VPS13B: variants seen among roughly 807,000 people sequenced by gnomAD.
VPS13B encodes vacuolar protein sorting 13 homolog B.
VPS13B carries 285 observed loss-of-function variants against 426.4 expected under a neutral mutation model. That is an observed-to-expected ratio of 0.67 (90% CI 0.61 to 0.74). The LOEUF (loss-of-function observed/expected upper bound fraction) is 0.74, where lower values mean the gene tolerates loss of function less well. VPS13B is among the 30% of genes least tolerant of loss of function. VPS13B has a pLI of 0.00. For missense variants in VPS13B, 4,537 were observed against 4,782.6 expected, an observed-to-expected ratio of 0.95 and a Z score of 1.51; for synonymous variants, 1,676 against 1,676.4, an observed-to-expected ratio of 1.00 and a Z score of 0.01.
intron 16 of VPS13B, among the ~76,000 whole-genome samples, chr8:99,189,676 A>G (rs1813443348): frequency 6.6e-6 from 1 of 151,580 alleles, no homozygotes; most frequent in African/African-American, 2.4e-5. Flanking sequence ...TTGTTTTATA[A>G]TTTTTCAAAA....
chr8:99,708,421 T>C (rs948791717), intron 36 of VPS13B, among the ~76,000 whole-genome samples: 11 of 152,192 alleles, frequency 7.2e-5, no homozygotes, highest in African/African-American at 2.7e-4. Context: ...AGGCATTTCT[T>C]CTTTCATGAC....
intron 39 of VPS13B, among the ~76,000 whole-genome samples, chr8:99,751,987 G>T (rs1810419781): frequency 6.6e-6 from 1 of 152,088 alleles, no homozygotes; most frequent in Non-Finnish European, 1.5e-5. Context: ...AAGCCTGCCT[G>T]CCCTTTTCTT....
At chr8:99,164,809 C>T (rs889296625) in intron 15 of VPS13B, among the ~76,000 whole-genome samples, 2 of 151,892 alleles carry the variant, frequency 1.3e-5, no homozygotes, top group South Asian at 2.1e-4. Context: ...TTTCTGACTC[C>T]CTCTTTGATT....
chr8:99,361,960 A>T (rs1812585851), intron 19 of VPS13B, among the ~76,000 whole-genome samples: 1 of 152,088 alleles, frequency 6.6e-6, no homozygotes, highest in African/African-American at 2.4e-5. Context: ...ATCTGCAGTG[A>T]AGTGATTTGG....
intron 4 of VPS13B, among the ~76,000 whole-genome samples, chr8:99,098,820 T>C (rs1846573086): frequency 6.6e-6 from 1 of 152,150 alleles, no homozygotes; most frequent in South Asian, 2.1e-4. Context: ...TACATTTTAT[T>C]GCTAATTGGG....
At chr8:99,515,530 A>G (rs1822020336) in intron 29 of VPS13B, among the ~76,000 whole-genome samples, 1 of 151,910 alleles carries the variant, frequency 6.6e-6, no homozygotes, top group Admixed American at 6.6e-5. Flanking sequence ...TCCTAAGGTC[A>G]CCTTGAATAA....
chr8:99,234,607 C>T (rs957505105), intron 17 of VPS13B: 2 of 393,164 alleles, frequency 5.1e-6, no homozygotes, highest in Admixed American at 3.6e-5. Context: ...GTAGTGCGCT[C>T]GCGCAGTCCC....
At chr8:99,540,154 A>G (rs1823536319) in intron 30 of VPS13B, among the ~76,000 whole-genome samples, 1 of 134,482 alleles carries the variant, frequency 7.4e-6, no homozygotes, top group African/African-American at 2.8e-5. Context: ...ATCTCGACTC[A>G]CTGCAAACTC....
chr8:99,734,156 A>G (rs1833716724), intron 39 of VPS13B, among the ~76,000 whole-genome samples: 1 of 152,122 alleles, frequency 6.6e-6, no homozygotes, highest in African/African-American at 2.4e-5. Flanking sequence ...GTCATTTAGC[A>G]TGTTATTTTC....
chr8:99,726,636 A>C (rs1001154320), intron 39 of VPS13B, among the ~76,000 whole-genome samples: 5 of 152,260 alleles, frequency 3.3e-5, no homozygotes, highest in African/African-American at 4.8e-5. Flanking sequence ...GAAAACAAGA[A>C]GAATACAATG....
intron 15 of VPS13B, among the ~76,000 whole-genome samples, chr8:99,167,085 G>C (rs115439561): frequency 8.3e-4 from 127 of 152,244 alleles, no homozygotes; most frequent in African/African-American, 2.9e-3. Context: ...TAATTTCAAA[G>C]ATGTCCCTAA....
rs2129764870 is a variant in VPS13B, at chr8:99,661,500, G to A, written c.6046+9G>A. On this transcript the variant is annotated intron_variant, in intron 35 of 61. Coordinates refer to ENST00000357162, the MANE Select transcript of VPS13B (RefSeq NM_152564.5). The stretch of plus-strand genomic sequence containing the variant: ...CTTTCTGAATGGACCAGGTAAGAAA[G>A]TCATAAAATTTACATGTGTGTACAT... The A allele has an allele frequency of 6.2e-7, 1 of 1,611,882 alleles. No homozygotes were observed. The highest frequency in any genetic ancestry group is 8.5e-7 in the Non-Finnish European group (1 of 1,179,552).
rs768446900 is a variant in VPS13B at position 99,859,483 on chromosome 8, A to G, written c.11044+3A>G. On this transcript the variant is annotated splice_donor_region_variant and intron_variant, in intron 57 of 61. Coordinates refer to ENST00000357162, the MANE Select transcript of VPS13B (RefSeq NM_152564.5). ...GTTTGTAAAGCACATCTCCAAAGGTAGCGGGTTCCGTTCCTTGTAATAATG... is the reference window on the plus strand; with the variant it reads ...GTTTGTAAAGCACATCTCCAAAGGTGGCGGGTTCCGTTCCTTGTAATAATG... 2.5e-6 allele frequency: 4 copies of G among 1,610,862 alleles called. No individual in the cohort carries two copies. The highest frequency in any genetic ancestry group is 3.4e-6 in the Non-Finnish European group (4 of 1,179,490).
chr8:99,026,678 TTCA>T (rs1262965571), intron 2 of VPS13B, among the ~76,000 whole-genome samples: 2 of 152,182 alleles, frequency 1.3e-5, no homozygotes, highest in African/African-American at 2.4e-5. Context: ...CCAAATTGAC[TTCA>T]TTATTATTAT....
chr8:99,311,506 C>G (rs1343633387), intron 19 of VPS13B, among the ~76,000 whole-genome samples: 2 of 152,172 alleles, frequency 1.3e-5, no homozygotes, highest in Non-Finnish European at 2.9e-5. Flanking sequence ...ATCCCGAGTT[C>G]TAGTTTGATT....
chr8:99,543,796 A>T (rs1163165910), intron 30 of VPS13B, among the ~76,000 whole-genome samples: 9 of 151,748 alleles, frequency 5.9e-5, no homozygotes, highest in East Asian at 5.8e-4. Context: ...TGGCAATCAT[A>T]AAAAAGTCAG....
At chr8:99,644,630 A>G (rs1461169793) in intron 34 of VPS13B, among the ~76,000 whole-genome samples, 4 of 151,844 alleles carry the variant, frequency 2.6e-5, no homozygotes, top group Admixed American at 6.6e-5. Context: ...TTTTCTGCAT[A>G]ATATTCTCAT....
intron 8 of VPS13B, among the ~76,000 whole-genome samples, chr8:99,134,318 A>C (rs956726012): frequency 2.0e-5 from 3 of 152,166 alleles, no homozygotes; most frequent in African/African-American, 7.2e-5. Flanking sequence ...ACTATATGTA[A>C]ATTTTTGGCA....
At chr8:99,364,471 C>T (rs1812733211) in intron 19 of VPS13B, among the ~76,000 whole-genome samples, 1 of 152,032 alleles carries the variant, frequency 6.6e-6, no homozygotes, top group African/African-American at 2.4e-5. Context: ...CTCACTCTGT[C>T]ACCCAGGCTG....
Sources: gnomAD v4.1 joint callset for allele counts (sites outside exome capture counted in the v4.1 genomes callset) on GRCh38, gnomAD v4.1.1 for gene constraint, MANE v1.5 for transcripts, NCBI Gene and HGNC (gene_info 2026-07-23, HGNC 2026-07-21) for gene names.